Variants in RAB11FIP4 observed in about 807,000 individuals in gnomAD.
RAB11FIP4 encodes rab11 family-interacting protein 4.
Under a neutral mutation model 74.3 loss-of-function variants are expected in RAB11FIP4, and 23 were observed. The observed-to-expected ratio is 0.31, with a 90% CI of 0.22 to 0.44. The LOEUF is 0.44. RAB11FIP4 is among the 20% of genes least tolerant of loss of function. The pLI, the probability that RAB11FIP4 is intolerant of heterozygous loss-of-function variation, is 1.00. For synonymous variants in RAB11FIP4, 360 were observed against 359.9 expected, an observed-to-expected ratio of 1.00 and a Z score of 0.00; for missense variants, 630 against 863.9, an observed-to-expected ratio of 0.73 and a Z score of 3.39.
intron 1 of RAB11FIP4, among the ~76,000 whole-genome samples, chr17:31,406,612 T>C (rs1001744690): frequency 2.6e-5 from 4 of 152,272 alleles, no homozygotes; most frequent in African/African-American, 9.6e-5. Flanking sequence ...ACACTTGCAT[T>C]TTTAATTGCT....
chr17:31,430,506 C>T (rs922557115), intron 1 of RAB11FIP4, among the ~76,000 whole-genome samples: 1 of 150,954 alleles, frequency 6.6e-6, no homozygotes, highest in Non-Finnish European at 1.5e-5. Flanking sequence ...TACAGGCGCC[C>T]GCCACGACGC....
rs73988090 is a variant in RAB11FIP4 at position 31,532,277 on chromosome 17, T to C, written c.*545T>C. 5,700 of 155,478 alleles carry C rather than the reference T, an allele frequency of 0.037. 336 individuals carry two copies. The highest frequency in any genetic ancestry group is 0.13 in the African/African-American group (5,249 of 41,536). 9.6% of individuals were successfully genotyped at this position (155,478 alleles called of 1,614,324 possible). On this transcript the variant is annotated 3_prime_UTR_variant, in exon 15 of 15. Transcript: ENST00000621161. ...AGAGGATGAAGGGGCATCTGGAGGG[T>C]CCATGAGATGGGGCCCTCACCAAAT... is the stretch of plus-strand genomic sequence containing the variant.
intron 5 of RAB11FIP4, 101 bp from the exon 6 acceptor site, chr17:31,521,814 C>G (rs2072671068): frequency 7.2e-7 from 1 of 1,393,884 alleles, no homozygotes; most frequent in Non-Finnish European, 1.0e-6. Context: ...TAACAAGGTT[C>G]AAAGGTACTG....
chr17:31,391,803 C>T lies in RAB11FIP4; in HGVS notation c.-50C>T. ...CGCGGCGATGGCGGCGGCGGGCAGG[C>T]GGCGGGCGCGGCGGGCGAGGGGTCC... On this transcript the variant is annotated 5_prime_UTR_variant, in exon 1 of 15. Coordinates refer to ENST00000621161, the MANE Select transcript of RAB11FIP4 (RefSeq NM_032932.6). 1 of 977,788 alleles carries T rather than the reference C, an allele frequency of 1.0e-6. No individual in the cohort carries two copies. The highest frequency in any genetic ancestry group is 1.2e-6 in the Non-Finnish European group (1 of 825,446). The allele number at this position is 977,788 out of a possible 1,614,324, so 60.6% of individuals were successfully genotyped here.
intron 3 of RAB11FIP4, among the ~76,000 whole-genome samples, chr17:31,476,584 C>G (rs1453557806): frequency 6.6e-6 from 1 of 152,208 alleles, no homozygotes; most frequent in Non-Finnish European, 1.5e-5. Flanking sequence ...GAAACCTGGG[C>G]TGGTGGGGCA....
At chr17:31,469,625 C>G (rs540259707) in intron 3 of RAB11FIP4, among the ~76,000 whole-genome samples, 2 of 117,870 alleles carry the variant, frequency 1.7e-5, no homozygotes, top group Non-Finnish European at 3.7e-5. Flanking sequence ...AAGTGAGACC[C>G]TCTCTCAAAA....
At chr17:31,445,532 T>A (rs2521783) in intron 3 of RAB11FIP4, among the ~76,000 whole-genome samples, 3,539 of 36,292 alleles carry the variant, frequency 0.098, 317 homozygotes, top group Admixed American at 0.11. Flanking sequence ...TTTCCCAATT[T>A]TATATATATA....
At chr17:31,490,371 C>G (rs1166019472) in intron 3 of RAB11FIP4, among the ~76,000 whole-genome samples, 1 of 152,146 alleles carries the variant, frequency 6.6e-6, no homozygotes, top group African/African-American at 2.4e-5. Flanking sequence ...TGATTCTGTT[C>G]TGAGGAGACT....
intron 3 of RAB11FIP4, 99 bp from the exon 4 acceptor site, chr17:31,517,552 C>T (rs974871463): frequency 8.7e-7 from 1 of 1,145,638 alleles, no homozygotes; most frequent in Non-Finnish European, 1.3e-6. Flanking sequence ...TACCCAATCC[C>T]TGCTGTTTTG....
intron 3 of RAB11FIP4, among the ~76,000 whole-genome samples, chr17:31,493,946 A>G (rs1309233260): frequency 1.3e-5 from 2 of 152,128 alleles, no homozygotes; most frequent in East Asian, 1.9e-4. Context: ...CGTGTCAGGC[A>G]GCATTCAGAT....
chr17:31,492,000 T>A (rs2072018492), intron 3 of RAB11FIP4, among the ~76,000 whole-genome samples: 1 of 152,182 alleles, frequency 6.6e-6, no homozygotes, highest in South Asian at 2.1e-4. Flanking sequence ...ACGCCGGCGA[T>A]GTGCATACAG....
chr17:31,425,957 C>A (rs933316282), intron 1 of RAB11FIP4, among the ~76,000 whole-genome samples: 1 of 152,208 alleles, frequency 6.6e-6, no homozygotes, highest in Non-Finnish European at 1.5e-5. Flanking sequence ...ACCCCTCCCC[C>A]CGCTGGGACC....
intron 3 of RAB11FIP4, among the ~76,000 whole-genome samples, chr17:31,457,707 G>C (rs79554585): frequency 0.09 from 12,497 of 139,150 alleles, 586 homozygotes; most frequent in African/African-American, 0.11. Context: ...CCCCAGCCCC[G>C]CAGGTGGCCA....
chr17:31,465,741 C>A (rs976279190), intron 3 of RAB11FIP4: 2 of 152,048 alleles, frequency 1.3e-5, no homozygotes, highest in Non-Finnish European at 2.9e-5. Context: ...AAAAACAGAG[C>A]AGGTCAAAAC....
chr17:31,473,689 C>A (rs2071762472), intron 3 of RAB11FIP4, among the ~76,000 whole-genome samples: 1 of 152,218 alleles, frequency 6.6e-6, no homozygotes, highest in Non-Finnish European at 1.5e-5. Flanking sequence ...GAGGAAAGAG[C>A]CATCCAGGGC....
chr17:31,417,978 C>A (rs1166659561), intron 1 of RAB11FIP4, among the ~76,000 whole-genome samples: 1 of 152,124 alleles, frequency 6.6e-6, no homozygotes, highest in Non-Finnish European at 1.5e-5. Context: ...GTACTCCCAG[C>A]TACTTGGGAG....
intron 3 of RAB11FIP4, among the ~76,000 whole-genome samples, chr17:31,436,524 G>C (rs1290926357): frequency 1.3e-5 from 2 of 152,096 alleles, no homozygotes; most frequent in Non-Finnish European, 2.9e-5. Context: ...TCACACCTCT[G>C]GAAAAGGTGG....
chr17:31,497,874 A>G (rs968432688), intron 3 of RAB11FIP4, among the ~76,000 whole-genome samples: 4 of 152,110 alleles, frequency 2.6e-5, no homozygotes, highest in African/African-American at 9.7e-5. Context: ...TGAGATTCCA[A>G]TGAAAGCCAG....
At chr17:31,449,052 A>T (rs2071498392) in intron 3 of RAB11FIP4, among the ~76,000 whole-genome samples, 1 of 151,978 alleles carries the variant, frequency 6.6e-6, no homozygotes. Flanking sequence ...TCTCTGTACC[A>T]CTCAGAACCC....
Sources: allele counts gnomAD v4.1 joint callset (sites outside exome capture counted in the v4.1 genomes callset), GRCh38; gene constraint gnomAD v4.1.1; transcripts MANE v1.5; gene names NCBI Gene and HGNC (gene_info 2026-07-23, HGNC 2026-07-21).